LMLN: variants seen among roughly 807,000 people sequenced by gnomAD.
LMLN encodes leishmanolysin-like peptidase.
LMLN carries 70 observed loss-of-function variants against 92.3 expected under a neutral mutation model. That is an observed-to-expected ratio of 0.76 (90% confidence interval 0.63 to 0.92). The LOEUF (loss-of-function observed/expected upper bound fraction) is 0.92. LMLN is among the 40% of genes least tolerant of loss of function. The pLI is 0.00. For missense variants in LMLN, 691 were observed against 814.6 expected (o/e 0.85, Z 1.85); for synonymous variants, 308 against 296.2 (o/e 1.04, Z -0.41).
At chr3:198,000,390 G>C (rs564895564) in intron 11 of LMLN, among the ~76,000 whole-genome samples, 1 of 152,300 alleles carries the variant, frequency 6.6e-6, no homozygotes, top group East Asian at 1.9e-4. Context: ...CTTCACTGTT[G>C]AGAGGTGAAA....
At chr3:197,999,392 A>G (rs543555789) in intron 11 of LMLN, 50 bp downstream of exon 11, 1 of 1,236,644 alleles carries the variant, frequency 8.1e-7, no homozygotes, top group Non-Finnish European at 1.2e-6. Flanking sequence ...AAATGAAATT[A>G]ATACTGAGCT....
At chr3:198,015,547 C>T (rs1317817335) in intron 11 of LMLN, among the ~76,000 whole-genome samples, 3 of 128,298 alleles carry the variant, frequency 2.3e-5, no homozygotes, top group Admixed American at 1.6e-4. Flanking sequence ...CTCTTCAGAG[C>T]CCCCTAACTA....
chr3:198,020,937 A>T (rs1011454408), intron 12 of LMLN, among the ~76,000 whole-genome samples: 26 of 151,506 alleles, frequency 1.7e-4, no homozygotes, highest in South Asian at 4.2e-4. Context: ...AATTAATTTT[A>T]AAAAAAAGGA....
rs114003654 is a variant in LMLN, at chr3:197,961,448, G to A, written c.219+1008G>A. ...TTACATGCATACTCTTCATAACCAA[G>A]TGAGCCAAAATATTAACTTCGGAGT... On this transcript the variant is annotated intron_variant, in intron 1 of 15. Coordinates refer to ENST00000330198, the Ensembl canonical transcript of LMLN. Among the ~76,000 whole-genome samples, 718 of 152,276 alleles carry A rather than the reference G, an allele frequency of 4.7e-3. 1 individual carries two copies. Among genetic ancestry groups the A allele is most frequent in the African/African-American group, 0.017 (688 of 41,542 alleles).
At chr3:198,036,702 C>T (rs1294428719) in intron 15 of LMLN, among the ~76,000 whole-genome samples, 3 of 152,104 alleles carry the variant, frequency 2.0e-5, no homozygotes, top group African/African-American at 4.8e-5. Context: ...ACGCCTTCCC[C>T]ATGAAATTGA....
intron 5 of LMLN, among the ~76,000 whole-genome samples, chr3:197,977,242 C>T (rs1291193645): frequency 6.6e-6 from 1 of 152,100 alleles, no homozygotes; most frequent in Non-Finnish European, 1.5e-5. Flanking sequence ...TCTCTATGTA[C>T]TGACTTGGAA....
intron 11 of LMLN, among the ~76,000 whole-genome samples, chr3:198,009,018 T>G (rs1297421459): frequency 4.6e-5 from 7 of 152,202 alleles, no homozygotes; most frequent in Admixed American, 4.6e-4. Context: ...ATGATTTCTC[T>G]TTTACATTTG....
intron 9 of LMLN, among the ~76,000 whole-genome samples, chr3:197,990,959 C>G (rs1250006011): frequency 6.6e-6 from 1 of 152,092 alleles, no homozygotes; most frequent in Non-Finnish European, 1.5e-5. Context: ...AATGACTGAT[C>G]ATTTTCTTTG....
intron 11 of LMLN, among the ~76,000 whole-genome samples, chr3:198,000,359 C>T (rs1268408207): frequency 1.3e-5 from 2 of 152,116 alleles, no homozygotes; most frequent in Non-Finnish European, 2.9e-5. Context: ...CTATTAAAAC[C>T]ATGAAAATTG....
rs548806991 is a variant in LMLN, at chr3:197,970,333, G to A, written c.220-4044G>A. On this transcript the variant is annotated intron_variant, in intron 1 of 15. Coordinates refer to ENST00000330198, the Ensembl canonical transcript of LMLN. ...GGTTTGGTGATTGCTAGGTGGCCTC[G>A]CTAGATTCAGCTTGTCGTCATACTC... Among the ~76,000 whole-genome samples the A allele has an allele frequency of 4.6e-5, 7 of 152,228 alleles. No individual in the cohort carries two copies. The East Asian group carries it at 7.7e-4, about 17-fold the overall frequency.
At chr3:197,974,912 A>G in intron 2 of LMLN, 130 bp from the exon 3 acceptor site, 2 of 678,736 alleles carry the variant, frequency 2.9e-6, no homozygotes, top group Non-Finnish European at 5.2e-6. Flanking sequence ...GTAAAGGAAT[A>G]AAAGAATGGC....
chr3:197,974,992 T>G, intron 2 of LMLN, 50 bp from the exon 3 acceptor site: 3 of 1,219,092 alleles, frequency 2.5e-6, no homozygotes. Flanking sequence ...TGATTACATG[T>G]GCTATGCCTC....
chr3:198,011,346 TC>T (rs1281749267), intron 11 of LMLN, among the ~76,000 whole-genome samples: 2 of 152,158 alleles, frequency 1.3e-5, no homozygotes, highest in African/African-American at 4.8e-5. Context: ...ATTGTTCAAT[TC>T]CCACCTATGA....
chr3:197,986,275 C>T (rs936157792), intron 8 of LMLN, among the ~76,000 whole-genome samples: 20 of 152,228 alleles, frequency 1.3e-4, no homozygotes, highest in South Asian at 1.0e-3. Context: ...TGCCGGGCAG[C>T]GTGGCAAAAC....
intron 9 of LMLN, among the ~76,000 whole-genome samples, chr3:197,995,728 T>A (rs530228559): frequency 1.3e-5 from 2 of 152,250 alleles, no homozygotes; most frequent in Non-Finnish European, 2.9e-5. Flanking sequence ...GAGAGTAAAT[T>A]TAAAATATTC....
chr3:197,961,987 GAGTTACTGTTC>G (rs1352714775), intron 1 of LMLN, among the ~76,000 whole-genome samples: 2 of 151,952 alleles, frequency 1.3e-5, no homozygotes, highest in Non-Finnish European at 2.9e-5. Flanking sequence ...CCCCCTACTT[GAGTTACTGTTC>G]TTTTGAAGTT....
chr3:198,031,474 A>G lies in LMLN; in HGVS notation c.1657-4359A>G, dbSNP rs1723076928. Among the ~76,000 whole-genome samples, 1 of 152,166 alleles carries G rather than the reference A, an allele frequency of 6.6e-6. No individual in the cohort carries two copies. Among genetic ancestry groups the G allele is most frequent in the Non-Finnish European group, 1.5e-5 (1 of 68,022 alleles). On this transcript the variant is annotated intron_variant, in intron 14 of 15. Transcript: ENST00000330198. The surrounding 1 kb of genome is among the most constrained non-coding windows in gnomAD (Gnocchi z 4.8). ...GGAAACCTTTGTGCCAAAACAGCACATTTTGGGGTGGCGTGTTCTGCCGTC... is the reference window on the plus strand; with the variant it reads ...GGAAACCTTTGTGCCAAAACAGCACGTTTTGGGGTGGCGTGTTCTGCCGTC...
intron 5 of LMLN, among the ~76,000 whole-genome samples, chr3:197,979,923 A>AT (rs963025535): frequency 7.9e-5 from 12 of 152,030 alleles, no homozygotes; most frequent in East Asian, 3.9e-4. Flanking sequence ...ATTAGGTAAG[A>AT]TTTTTTTTAC....
chr3:197,996,123 C>G (rs553442878), intron 9 of LMLN, 52 bp from the exon 10 acceptor site: 1 of 975,956 alleles, frequency 1.0e-6, no homozygotes, highest in Non-Finnish European at 1.5e-6. Flanking sequence ...TTGCTGTTAT[C>G]TTACGGTACT....
Sources: allele counts gnomAD v4.1 joint callset (sites outside exome capture counted in the v4.1 genomes callset), GRCh38; gene constraint gnomAD v4.1.1; non-coding constraint Gnocchi (gnomAD v3.1); transcripts MANE v1.5; gene names NCBI Gene and HGNC (gene_info 2026-07-23, HGNC 2026-07-21).